Variants in TMPRSS9 observed in about 807,000 individuals in gnomAD.
TMPRSS9 encodes the protein transmembrane serine protease 9, also known as transmembrane protease serine 9.
A neutral mutation model predicts 111.4 loss-of-function variants in TMPRSS9; 113 were observed. The ratio of observed to expected loss-of-function variants is 1.01; its 90% confidence interval spans 0.87 to 1.19. The LOEUF (loss-of-function observed/expected upper bound fraction) is 1.19. Among genes scored for constraint, TMPRSS9 ranks in the 50% most tolerant of loss-of-function variants. The probability of loss-of-function intolerance (pLI) is 0.00; values close to 1 mark genes in which losing one functional copy is unlikely to be tolerated. For synonymous variants in TMPRSS9, 805 were observed against 659.1 expected, an observed-to-expected ratio of 1.22 and a Z score of -3.39; for missense variants, 1,803 against 1,513.1, an observed-to-expected ratio of 1.19 and a Z score of -3.18.
chr19:2,390,052 A>C, intron 1 of TMPRSS9, 125 bp downstream of exon 2: 1 of 1,299,374 alleles, frequency 7.7e-7, no homozygotes, highest in African/African-American at 1.5e-5. Flanking sequence ...CGTGGAGATG[A>C]AGGCTGCCCT....
intron 13 of TMPRSS9, among the ~76,000 whole-genome samples, chr19:2,421,209 G>A (rs1971455319): frequency 6.6e-6 from 1 of 152,028 alleles, no homozygotes; most frequent in Admixed American, 6.6e-5. Context: ...TCTGCCTCAA[G>A]AAAAGAAATA....
intron 8 of TMPRSS9, 64 bp from the exon 10 acceptor site, chr19:2,410,194 C>T: frequency 1.9e-6 from 3 of 1,596,876 alleles, no homozygotes; most frequent in South Asian, 1.1e-5. Context: ...TTCAGCCTCC[C>T]AGCTCAAAGT....
At chr19:2,406,947 C>A (rs1970982008) in intron 7 of TMPRSS9, among the ~76,000 whole-genome samples, 2 of 150,922 alleles carry the variant, frequency 1.3e-5, no homozygotes, top group South Asian at 2.1e-4. Flanking sequence ...TTACAGGCAC[C>A]CGCCACCATG....
At chr19:2,365,641 CACAG>C (rs1006589179) in intron 1 of TMPRSS9, among the ~76,000 whole-genome samples, 1 of 151,788 alleles carries the variant, frequency 6.6e-6, no homozygotes, top group Non-Finnish European at 1.5e-5. Context: ...AAAAAAACTA[CACAG>C]ACAGGTGGGC....
chr19:2,416,562 C>G, exon 12 of TMPRSS9: 1 of 1,610,372 alleles, frequency 6.2e-7, no homozygotes. Context: ...AGGTTCGGGC[C>G]CACCTGGGCA....
chr19:2,372,145 T>C (rs1038670821), intron 1 of TMPRSS9, among the ~76,000 whole-genome samples: 6 of 152,306 alleles, frequency 3.9e-5, no homozygotes, highest in African/African-American at 1.2e-4. Flanking sequence ...CGTGAGCCAC[T>C]GTGCCTGGCC....
intron 1 of TMPRSS9, among the ~76,000 whole-genome samples, chr19:2,362,859 GGTT>G (rs968012131): frequency 2.6e-5 from 4 of 151,694 alleles, no homozygotes; most frequent in African/African-American, 7.3e-5. Context: ...TGTGGTGTGT[GGTT>G]GTGTGAGGTT....
intron 15 of TMPRSS9, 145 bp from the exon 17 acceptor site, chr19:2,424,857 C>G: frequency 4.7e-6 from 5 of 1,062,460 alleles, no homozygotes; most frequent in South Asian, 2.0e-5. Flanking sequence ...ATGGGGGAGA[C>G]TGAGCCCATT....
At chr19:2,420,887 A>G (rs1971448995) in intron 13 of TMPRSS9, among the ~76,000 whole-genome samples, 1 of 152,104 alleles carries the variant, frequency 6.6e-6, no homozygotes, top group South Asian at 2.1e-4. Flanking sequence ...TGGGCGATTC[A>G]CAATAGTTAG....
chr19:2,411,983 C>T (rs1175350816), intron 9 of TMPRSS9, among the ~76,000 whole-genome samples: 5 of 151,992 alleles, frequency 3.3e-5, no homozygotes, highest in East Asian at 1.9e-4. Context: ...TAATTTAATC[C>T]GTTATGTTTC....
At chr19:2,390,403 C>T (rs1021984118) in intron 1 of TMPRSS9, among the ~76,000 whole-genome samples, 1 of 150,224 alleles carries the variant, frequency 6.7e-6, no homozygotes, top group African/African-American at 2.4e-5. Context: ...GCCACCACCC[C>T]CGGCTAATTT....
At chr19:2,424,922 C>A in intron 15 of TMPRSS9, 80 bp from the exon 17 acceptor site, 1 of 1,358,008 alleles carries the variant, frequency 7.4e-7, no homozygotes, top group African/African-American at 1.6e-5. Context: ...GGGTGCCAGC[C>A]GGCCGCTGGG....
intron 9 of TMPRSS9, among the ~76,000 whole-genome samples, chr19:2,412,210 A>T (rs1479876881): frequency 6.7e-6 from 1 of 150,084 alleles, no homozygotes; most frequent in African/African-American, 2.5e-5. Context: ...TTAGGGCAAC[A>T]TAGCAAAACT....
intron 13 of TMPRSS9, among the ~76,000 whole-genome samples, 191 bp downstream of exon 14, chr19:2,418,329 C>CCTTTTCCTTTCCT (rs1971321257): frequency 2.9e-5 from 1 of 34,612 alleles, no homozygotes; most frequent in African/African-American, 3.7e-4. Flanking sequence ...CTCCCTCCCT[C>CCTTTTCCTTTCCT]CCTTTCCTTC....
intron 1 of TMPRSS9, among the ~76,000 whole-genome samples, chr19:2,375,601 T>TGATGG (rs879394933): frequency 2.6e-5 from 4 of 151,680 alleles, no homozygotes; most frequent in African/African-American, 7.3e-5. Flanking sequence ...GACCAATCAC[T>TGATGG]GGCTGGAGAT....
chr19:2,411,299 CAAAAAAAAAAAAAAAA>C lies in TMPRSS9; in HGVS notation c.1254+924_1254+939del, dbSNP rs771305642. 3.2e-3 allele frequency among the ~76,000 whole-genome samples: 105 copies of C among 32,320 alleles called. 1 individual carries two copies. The highest frequency in any genetic ancestry group is 5.8e-3 in the African/African-American group (40 of 6,848). The allele number at this position is 32,320 out of a possible 152,430, so 21.2% of individuals were successfully genotyped here. ...TGGGCGACAAAGCAAGACTCTGTCT[CAAAAAAAAAAAAAAAA>C]AAAAAAAAAAAAAAAAAAGAGAAAA... On this transcript the variant is annotated intron_variant, in intron 9 of 17. Transcript: ENST00000648592.
At chr19:2,376,946 G>A (rs1970339814) in intron 1 of TMPRSS9, among the ~76,000 whole-genome samples, 1 of 152,032 alleles carries the variant, frequency 6.6e-6, no homozygotes, top group African/African-American at 2.4e-5. Flanking sequence ...AGGCAGGGTC[G>A]CGCCGGGGCA....
At chr19:2,365,921 AC>A (rs559440730) in intron 1 of TMPRSS9, among the ~76,000 whole-genome samples, 3 of 152,088 alleles carry the variant, frequency 2.0e-5, no homozygotes, top group Admixed American at 6.6e-5. Context: ...CTGTGATAAC[AC>A]CACTGCACTC....
chr19:2,410,424 A>T, intron 9 of TMPRSS9, 30 bp downstream of exon 10: 1 of 1,611,584 alleles, frequency 6.2e-7, no homozygotes, highest in Non-Finnish European at 8.5e-7. Context: ...GACCCCAGAA[A>T]AACACAGAAA....
Sources: allele counts gnomAD v4.1 joint callset (sites outside exome capture counted in the v4.1 genomes callset), GRCh38; gene constraint gnomAD v4.1.1; transcripts MANE v1.5; gene names NCBI Gene and HGNC (gene_info 2026-07-23, HGNC 2026-07-21).